Variants in MBOAT2 observed in about 807,000 individuals in gnomAD.
The protein encoded by MBOAT2 is membrane-bound glycerophospholipid O-acyltransferase 2.
In MBOAT2, 28 loss-of-function variants were observed where a neutral mutation model predicts 63.4. The observed-to-expected ratio is 0.44, with a 90% CI of 0.33 to 0.61. MBOAT2 has a LOEUF of 0.61. MBOAT2 is among the 20% of genes least tolerant of loss of function. The pLI, the probability that MBOAT2 is intolerant of heterozygous loss-of-function variation, is 0.03. For synonymous variants in MBOAT2, 211 were observed against 215.6 expected (o/e 0.98, Z 0.19); for missense variants, 470 against 605.8 (o/e 0.78, Z 2.35).
intron 4 of MBOAT2, among the ~76,000 whole-genome samples, chr2:8,904,687 T>C (rs1398274040): frequency 6.6e-6 from 1 of 152,192 alleles, no homozygotes; most frequent in East Asian, 1.9e-4. Context: ...AGTAACAATT[T>C]ATAGTTTTCT....
At chr2:8,968,333 G>A (rs1670163231) in intron 1 of MBOAT2, among the ~76,000 whole-genome samples, 1 of 152,184 alleles carries the variant, frequency 6.6e-6, no homozygotes, top group African/African-American at 2.4e-5. Flanking sequence ...CTGTTAGAAG[G>A]AAAACTAACA....
intron 1 of MBOAT2, among the ~76,000 whole-genome samples, chr2:8,993,241 C>A (rs1252124519): frequency 6.6e-6 from 1 of 152,220 alleles, no homozygotes; most frequent in Admixed American, 6.5e-5. Context: ...CCCCAAAATT[C>A]TTCAATGCTT....
chr2:8,905,008 A>G (rs1202098150), intron 4 of MBOAT2, among the ~76,000 whole-genome samples: 1 of 152,130 alleles, frequency 6.6e-6, no homozygotes, highest in African/African-American at 2.4e-5. Context: ...ACACACACAC[A>G]CACGCGCGCA....
At chr2:8,869,244 C>T (rs2148518294) in intron 8 of MBOAT2, among the ~76,000 whole-genome samples, 1 of 150,196 alleles carries the variant, frequency 6.7e-6, no homozygotes, top group South Asian at 2.1e-4. Context: ...ATGGGGGTCC[C>T]ACTATGTTGC....
At chr2:8,968,644 G>A (rs1327042062) in intron 1 of MBOAT2, among the ~76,000 whole-genome samples, 1 of 151,732 alleles carries the variant, frequency 6.6e-6, no homozygotes, top group Non-Finnish European at 1.5e-5. Context: ...AAGATTAGAC[G>A]AATGGCTAAC....
intron 1 of MBOAT2, among the ~76,000 whole-genome samples, chr2:9,001,697 G>A (rs1288223105): frequency 6.6e-6 from 1 of 152,184 alleles, no homozygotes; most frequent in Non-Finnish European, 1.5e-5. Flanking sequence ...CTTCAGTACT[G>A]AAAAGAACTT....
intron 4 of MBOAT2, among the ~76,000 whole-genome samples, chr2:8,890,543 A>T (rs191817524): frequency 1.2e-3 from 186 of 152,274 alleles, no homozygotes; most frequent in African/African-American, 3.9e-3. Context: ...CTTTTTCATC[A>T]GGGTCTCGCT....
At chr2:8,901,368 G>A (rs897595604) in intron 4 of MBOAT2, among the ~76,000 whole-genome samples, 2 of 151,804 alleles carry the variant, frequency 1.3e-5, no homozygotes, top group Admixed American at 6.6e-5. Context: ...TCTCAAAAAC[G>A]TGCACCCTTG....
At chr2:8,929,882 T>C (rs190268280) in intron 3 of MBOAT2, among the ~76,000 whole-genome samples, 2 of 152,302 alleles carry the variant, frequency 1.3e-5, no homozygotes, top group Admixed American at 1.3e-4. Flanking sequence ...ATTGAACACA[T>C]ATGCTTAAAA....
chr2:8,873,365 T>C, intron 7 of MBOAT2, 65 bp from the exon 8 acceptor site: 1 of 1,476,066 alleles, frequency 6.8e-7, no homozygotes, highest in South Asian at 1.3e-5. Flanking sequence ...TTCTATGTAT[T>C]ATCGACAGAT....
intron 2 of MBOAT2, among the ~76,000 whole-genome samples, chr2:8,946,196 G>A (rs1251094156): frequency 6.6e-6 from 1 of 151,996 alleles, no homozygotes. Context: ...GTAATCATTC[G>A]TTCTATGTCA....
chr2:8,886,843 G>A (rs929831940), intron 5 of MBOAT2, among the ~76,000 whole-genome samples: 3 of 152,168 alleles, frequency 2.0e-5, no homozygotes, highest in African/African-American at 7.2e-5. Flanking sequence ...GCATACTACA[G>A]AAGTTCTAGC....
At chr2:8,892,460 A>G (rs533545689) in intron 4 of MBOAT2, among the ~76,000 whole-genome samples, 1 of 152,228 alleles carries the variant, frequency 6.6e-6, no homozygotes, top group Admixed American at 6.5e-5. Context: ...TTACTGCTTC[A>G]TTCAGAAAAA....
At chr2:8,863,287 T>C (rs1661618991) in intron 10 of MBOAT2, among the ~76,000 whole-genome samples, 1 of 152,162 alleles carries the variant, frequency 6.6e-6, no homozygotes, top group Non-Finnish European at 1.5e-5. Context: ...GATGACAGCG[T>C]ATGCTAGCCA....
intron 3 of MBOAT2, among the ~76,000 whole-genome samples, chr2:8,933,635 G>A (rs775154218): frequency 6.6e-6 from 1 of 152,080 alleles, no homozygotes; most frequent in East Asian, 1.9e-4. Context: ...GAGCCACCAC[G>A]AATGACATCT....
rs1417909166 is a variant in MBOAT2 at position 8,958,508 on chromosome 2, A to G, written c.210T>C (p.Phe70=). 1 of 1,591,074 alleles carries G rather than the reference A, an allele frequency of 6.3e-7. No individual in the cohort carries two copies. Among genetic ancestry groups the G allele is most frequent in the African/African-American group, 1.4e-5 (1 of 73,398 alleles). The change falls in exon 2 of 13, where the codon TTT becomes TTC. Residue 70 remains phenylalanine (F), a synonymous_variant. Coordinates refer to ENST00000305997, the MANE Select transcript of MBOAT2 (RefSeq NM_138799.4). ...ATLLGLYLAL[F]CFGWYALHFL... is the part of the protein sequence containing the mutation. ...AAATAATTACTTACCATCCAAAGCA[A>G]AAAAGTGCAAGATAAAGGCCCAAAA...
intron 4 of MBOAT2, among the ~76,000 whole-genome samples, chr2:8,893,378 A>C (rs1348902795): frequency 6.6e-6 from 1 of 152,228 alleles, no homozygotes; most frequent in Non-Finnish European, 1.5e-5. Context: ...GCTGGACATA[A>C]GAGTCAGAAC....
At chr2:8,958,821 T>C (rs549962880) in intron 1 of MBOAT2, among the ~76,000 whole-genome samples, 179 bp from the exon 2 acceptor site, 24 of 152,232 alleles carry the variant, frequency 1.6e-4, no homozygotes, top group African/African-American at 4.6e-4. Context: ...TTCCAAGTGA[T>C]GGGCCAATGC....
At chr2:8,883,704 A>C (rs1268707249) in intron 5 of MBOAT2, among the ~76,000 whole-genome samples, 1 of 152,214 alleles carries the variant, frequency 6.6e-6, no homozygotes, top group East Asian at 1.9e-4. Flanking sequence ...CACTTTAGAA[A>C]TCTTTCTACC....
Sources: allele counts gnomAD v4.1 joint callset (sites outside exome capture counted in the v4.1 genomes callset), GRCh38; gene constraint gnomAD v4.1.1; transcripts MANE v1.5; gene names NCBI Gene and HGNC (gene_info 2026-07-23, HGNC 2026-07-21).